The following NFKB1 variants were observed in gnomAD, a reference collection of about 807,000 sequenced individuals.
The protein encoded by NFKB1 is nuclear factor kappa B subunit 1.
Under a neutral mutation model 105.1 loss-of-function variants are expected in NFKB1, and 9 were observed. The observed-to-expected ratio is 0.09, with a 90% CI of 0.05 to 0.15. NFKB1 has a LOEUF of 0.15. Ranked by LOEUF, NFKB1 falls within the 10% of genes least tolerant of loss-of-function variation. The pLI is 1.00. For missense variants in NFKB1, 830 were observed against 1,203.7 expected, an observed-to-expected ratio of 0.69 and a Z score of 4.59; for synonymous variants, 440 against 442.2, an observed-to-expected ratio of 1.00 and a Z score of 0.06.
chr4:102,590,204 T>C (rs558019289), intron 11 of NFKB1, among the ~76,000 whole-genome samples: 6 of 152,296 alleles, frequency 3.9e-5, no homozygotes, highest in East Asian at 3.9e-4. Context: ...TTTAACTCTT[T>C]AGTATGTCCC....
chr4:102,572,839 C>T (rs1383911919), intron 6 of NFKB1, among the ~76,000 whole-genome samples: 1 of 152,176 alleles, frequency 6.6e-6, no homozygotes, highest in Non-Finnish European at 1.5e-5. Flanking sequence ...ATTTGCAGTG[C>T]TGTTCATTCT....
chr4:102,575,436 T>A (rs953390724), intron 6 of NFKB1, among the ~76,000 whole-genome samples: 1 of 152,146 alleles, frequency 6.6e-6, no homozygotes, highest in African/African-American at 2.4e-5. Flanking sequence ...TTTCCTCTAC[T>A]AATTTTTTTT....
At chr4:102,515,107 ATTT>A (rs34257045) in intron 1 of NFKB1, among the ~76,000 whole-genome samples, 4 of 95,656 alleles carry the variant, frequency 4.2e-5, no homozygotes, top group South Asian at 3.4e-4. Flanking sequence ...TATTATTATT[ATTT>A]TTTTTTTTTT....
intron 3 of NFKB1, among the ~76,000 whole-genome samples, chr4:102,531,634 A>G (rs1358643634): frequency 6.6e-6 from 1 of 152,208 alleles, no homozygotes; most frequent in African/African-American, 2.4e-5. Flanking sequence ...TTTTCATGGC[A>G]CAGAAATGTG....
At chr4:102,604,335 G>A (rs948421202) in intron 16 of NFKB1, among the ~76,000 whole-genome samples, 9 of 152,118 alleles carry the variant, frequency 5.9e-5, no homozygotes, top group South Asian at 4.2e-4. Context: ...TTACAAAAAC[G>A]TACTAGGAAG....
At chr4:102,594,264 A>G (rs1469369527) in intron 12 of NFKB1, among the ~76,000 whole-genome samples, 1 of 152,238 alleles carries the variant, frequency 6.6e-6, no homozygotes, top group Non-Finnish European at 1.5e-5. Flanking sequence ...AAACCATAGT[A>G]TAACTTACTT....
At chr4:102,514,543 G>A (rs539164650) in intron 1 of NFKB1, among the ~76,000 whole-genome samples, 8 of 152,216 alleles carry the variant, frequency 5.3e-5, no homozygotes, top group South Asian at 2.1e-4. Context: ...TGGGCTTCCC[G>A]TTGCCAGAAC....
chr4:102,609,611 CAAAAAAAAA>C (rs34646774), intron 19 of NFKB1, among the ~76,000 whole-genome samples: 2 of 64,248 alleles, frequency 3.1e-5, no homozygotes, highest in African/African-American at 1.2e-4. Flanking sequence ...GACTCCATCT[CAAAAAAAAA>C]AAAAAAAAAA....
intron 16 of NFKB1, among the ~76,000 whole-genome samples, chr4:102,602,974 G>A (rs901726678): frequency 2.6e-5 from 4 of 152,132 alleles, no homozygotes; most frequent in Non-Finnish European, 5.9e-5. Context: ...TAGCTTGTCA[G>A]TCCTCTTTTC....
At chr4:102,557,649 C>A (rs750017161) in intron 5 of NFKB1, among the ~76,000 whole-genome samples, 5 of 152,026 alleles carry the variant, frequency 3.3e-5, no homozygotes, top group Non-Finnish European at 7.4e-5. Context: ...CTGAGGGAAA[C>A]AACAAAATGA....
At chr4:102,567,868 G>A (rs567407196) in intron 6 of NFKB1, among the ~76,000 whole-genome samples, 20 of 152,182 alleles carry the variant, frequency 1.3e-4, no homozygotes, top group Non-Finnish European at 2.4e-4. Context: ...ATGGCACACA[G>A]AATAATAGTG....
intron 19 of NFKB1, among the ~76,000 whole-genome samples, chr4:102,608,876 G>A (rs1258086040): frequency 2.0e-5 from 3 of 152,162 alleles, no homozygotes; most frequent in African/African-American, 7.2e-5. Context: ...TAACCAGCCA[G>A]ACGTGATGGC....
chr4:102,563,147 A>G (rs983567245), intron 5 of NFKB1, among the ~76,000 whole-genome samples: 34 of 152,182 alleles, frequency 2.2e-4, no homozygotes, highest in African/African-American at 8.0e-4. Flanking sequence ...TAATTTGACT[A>G]AGATTGGTAT....
chr4:102,585,835 C>G (rs1312757173), intron 11 of NFKB1, among the ~76,000 whole-genome samples: 1 of 152,046 alleles, frequency 6.6e-6, no homozygotes, highest in Admixed American at 6.6e-5. Context: ...GGAGAGGGTT[C>G]TCTAGGTTTA....
At position 102,569,147 on chromosome 4, in the gene NFKB1, C is replaced by A. The variant is rs144972218; in HGVS notation, c.407+2012C>A. 5.8e-3 allele frequency among the ~76,000 whole-genome samples: 876 copies of A among 152,162 alleles called. 8 individuals carry two copies. Among genetic ancestry groups the A allele is most frequent in the African/African-American group, 0.019 (785 of 41,512 alleles). ...ATAATTCATTTGTTTCTATCTCTCT[C>A]TATATATACATTTTTAAGATTTTCA... On this transcript the variant is annotated intron_variant, in intron 6 of 23. Transcript: ENST00000226574.
chr4:102,513,651 T>C (rs1739923124), intron 1 of NFKB1, among the ~76,000 whole-genome samples: 1 of 152,190 alleles, frequency 6.6e-6, no homozygotes, highest in Admixed American at 6.5e-5. Flanking sequence ...TTCTACAGTC[T>C]ATTGATTCTA....
In NFKB1 at chr4:102,610,705, T is replaced by G. The variant is rs1578834302; in HGVS notation, c.2352+6T>G. ...ATATGGCCACCAGCTGGCAGGTGAG[T>G]GCCGCTCCATCTGTCTGATGGCTGC... On this transcript the variant is annotated splice_donor_region_variant and intron_variant, in intron 20 of 23. Coordinates refer to ENST00000226574, the MANE Select transcript of NFKB1 (RefSeq NM_003998.4). 6.2e-7 allele frequency: 1 copy of G among 1,613,520 alleles called. No individual in the cohort carries two copies. The highest frequency in any genetic ancestry group is 8.5e-7 in the Non-Finnish European group (1 of 1,179,622).
chr4:102,509,348 C>T (rs898084748), intron 1 of NFKB1, among the ~76,000 whole-genome samples: 12 of 152,108 alleles, frequency 7.9e-5, no homozygotes, highest in African/African-American at 2.9e-4. Flanking sequence ...AGTTACAATT[C>T]TTTTTTTGTG....
intron 16 of NFKB1, among the ~76,000 whole-genome samples, chr4:102,604,974 A>T (rs1037496825): frequency 1.1e-4 from 8 of 75,362 alleles, no homozygotes; most frequent in East Asian, 2.6e-4. Context: ...AGAAAATATT[A>T]AAAAAAAAAA....
Sources: gnomAD v4.1 joint callset for allele counts (sites outside exome capture counted in the v4.1 genomes callset) on GRCh38, gnomAD v4.1.1 for gene constraint, MANE v1.5 for transcripts, NCBI Gene and HGNC (gene_info 2026-07-23, HGNC 2026-07-21) for gene names.